Variants in ATAD2B observed in about 807,000 individuals in gnomAD.
ATAD2B encodes ATPase family AAA domain-containing protein 2B.
In ATAD2B, 40 loss-of-function variants were observed where a neutral mutation model predicts 167.6. The ratio of observed to expected loss-of-function variants is 0.24; its 90% confidence interval spans 0.19 to 0.31. The LOEUF (loss-of-function observed/expected upper bound fraction) is 0.31. Among genes scored for constraint, ATAD2B ranks in the 10% least tolerant of loss-of-function variants. The pLI, the probability that ATAD2B is intolerant of heterozygous loss-of-function variation, is 1.00. For synonymous variants in ATAD2B, 579 were observed against 596.5 expected, an observed-to-expected ratio of 0.97 and a Z score of 0.43; for missense variants, 1,242 against 1,757.2, an observed-to-expected ratio of 0.71 and a Z score of 5.24.
chr2:23,884,738 T>C, intron 6 of ATAD2B, 27 bp downstream of exon 6: 2 of 1,400,906 alleles, frequency 1.4e-6, no homozygotes, highest in East Asian at 2.4e-5. Flanking sequence ...CTGAACTTTC[T>C]AGAATTCCAA....
intron 13 of ATAD2B, among the ~76,000 whole-genome samples, chr2:23,847,146 A>C (rs373450951): frequency 7.5e-5 from 10 of 133,738 alleles, no homozygotes; most frequent in African/African-American, 2.9e-4. Flanking sequence ...TGAGGCGGGC[A>C]TATCACTTGA....
At position 23,799,570 on chromosome 2, in the gene ATAD2B, C is replaced by CAAAA. The variant is rs763947000; in HGVS notation, c.2455-1251_2455-1248dup. On this transcript the variant is annotated intron_variant, in intron 18 of 27. Coordinates refer to ENST00000238789, the MANE Select transcript of ATAD2B (RefSeq NM_017552.4). ...CCTGGGAGACAGTGAGACTCCATCT[C>CAAAA]AAAAAAAAAAAAAAAAAAAGAAAAG... Among the ~76,000 whole-genome samples, 17 of 40,488 alleles carry CAAAA rather than the reference C, an allele frequency of 4.2e-4. 1 individual carries two copies. Among genetic ancestry groups the CAAAA allele is most frequent in the Middle Eastern group, 0.018 (1 of 56 alleles). 26.6% of individuals were successfully genotyped at this position (40,488 alleles called of 152,430 possible).
the ATAD2B span, among the ~76,000 whole-genome samples, chr2:23,699,694 C>T: frequency 7.1e-4 from 108 of 152,318 alleles, 2 homozygotes; most frequent in East Asian, 0.018. Context: ...GCCTTCTCGG[C>T]GCCCAGCCCT....
At chr2:23,775,302 C>A (rs1678930265) in intron 22 of ATAD2B, among the ~76,000 whole-genome samples, 1 of 151,526 alleles carries the variant, frequency 6.6e-6, no homozygotes, top group African/African-American at 2.4e-5. Flanking sequence ...GCACTTCCAC[C>A]TCCTAGGTTC....
intron 1 of ATAD2B, among the ~76,000 whole-genome samples, chr2:23,910,470 G>A (rs1209592518): frequency 6.6e-6 from 1 of 151,388 alleles, no homozygotes; most frequent in Non-Finnish European, 1.5e-5. Context: ...GAGCCACTGC[G>A]CCCGGCCTGC....
chr2:23,680,039 C>G, the ATAD2B span, among the ~76,000 whole-genome samples: 1 of 152,208 alleles, frequency 6.6e-6, no homozygotes, highest in Admixed American at 6.5e-5. The surrounding 1 kb of genome is among the most constrained non-coding windows in gnomAD (Gnocchi z 4.1). Context: ...CCCCTTCAGC[C>G]CCGAAGGATT....
At chr2:23,741,476 G>A in the ATAD2B span, among the ~76,000 whole-genome samples, 2 of 151,864 alleles carry the variant, frequency 1.3e-5, no homozygotes, top group African/African-American at 4.8e-5. Flanking sequence ...TTAATAAATG[G>A]TGCTGGGAAA....
Position 23,750,791 on chromosome 2 carries a change from C to T in ATAD2B, c.*1255G>A, listed in dbSNP as rs1290477702. On this transcript the variant is annotated 3_prime_UTR_variant, in exon 28 of 28. Transcript: ENST00000238789. ...TAGAAAGTTTTTGTAAAACTAGTAACCCATAATTAATTTCAGATACATACA... is the reference window on the plus strand; with the variant it reads ...TAGAAAGTTTTTGTAAAACTAGTAATCCATAATTAATTTCAGATACATACA... The T allele has an allele frequency of 6.6e-6, 1 of 152,096 alleles. No homozygotes were observed. The highest frequency in any genetic ancestry group is 1.5e-5 in the Non-Finnish European group (1 of 67,988). 9.4% of individuals were successfully genotyped at this position (152,096 alleles called of 1,614,324 possible).
chr2:23,918,746 T>A (rs914891457), intron 1 of ATAD2B, among the ~76,000 whole-genome samples: 1 of 152,174 alleles, frequency 6.6e-6, no homozygotes, highest in Non-Finnish European at 1.5e-5. Context: ...AACTACTGAT[T>A]GAACAACATC....
Position 23,926,964 on chromosome 2 carries a change from C to A in ATAD2B, c.-194G>T, listed in dbSNP as rs1704980572. 1 of 619,540 alleles carries A rather than the reference C, an allele frequency of 1.6e-6. No individual in the cohort carries two copies. Among genetic ancestry groups the A allele is most frequent in the East Asian group, 3.4e-5 (1 of 29,760 alleles). The allele number at this position is 619,540 out of a possible 1,614,324, so 38.4% of individuals were successfully genotyped here. A position where few individuals can be genotyped will look rare whatever the true frequency, so the allele number is the denominator to read the frequency against. On this transcript the variant is annotated 5_prime_UTR_variant, in exon 1 of 28. Coordinates refer to ENST00000238789, the MANE Select transcript of ATAD2B (RefSeq NM_017552.4). ...GAAGTCGGCGTGAGCAGGCGGCGTG[C>A]GGGAAGCGGGGGCGGTGCTGCAGAC...
At chr2:23,875,395 G>A (rs1696674709) in intron 8 of ATAD2B, among the ~76,000 whole-genome samples, 1 of 151,506 alleles carries the variant, frequency 6.6e-6, no homozygotes, top group Admixed American at 6.6e-5. Flanking sequence ...AGCTACTCGG[G>A]AGGCTGAGGC....
intron 17 of ATAD2B, among the ~76,000 whole-genome samples, chr2:23,819,172 T>C (rs1687054862): frequency 6.6e-6 from 1 of 152,040 alleles, no homozygotes; most frequent in Non-Finnish European, 1.5e-5. Context: ...TCTGCCTCCA[T>C]GGGGGAAAAA....
At chr2:23,717,315 T>C in the ATAD2B span, among the ~76,000 whole-genome samples, 1 of 152,032 alleles carries the variant, frequency 6.6e-6, no homozygotes, top group African/African-American at 2.4e-5. Context: ...GAGAGGAGCT[T>C]TGTGCCCCAG....
the ATAD2B span, chr2:23,703,116 C>G: frequency 8.5e-7 from 1 of 1,171,834 alleles, no homozygotes; most frequent in Non-Finnish European, 1.1e-6. Flanking sequence ...CAGTTTGCTG[C>G]CCTTGCTTGT....
At chr2:23,873,130 ACTT>A in intron 8 of ATAD2B, 1 of 374,510 alleles carries the variant, frequency 2.7e-6, no homozygotes, top group East Asian at 6.0e-5. Context: ...CCTCTCCTCT[ACTT>A]CTTTCTCCCC....
chr2:23,726,844 T>A, the ATAD2B span, among the ~76,000 whole-genome samples: 1 of 152,130 alleles, frequency 6.6e-6, no homozygotes, highest in Non-Finnish European at 1.5e-5. Flanking sequence ...TTTTGCAAGA[T>A]GAAAAGTGCT....
At chr2:23,914,424 G>C (rs1702729336) in intron 1 of ATAD2B, among the ~76,000 whole-genome samples, 1 of 151,976 alleles carries the variant, frequency 6.6e-6, no homozygotes, top group Non-Finnish European at 1.5e-5. Flanking sequence ...ATCTTAACAG[G>C]CATTTTAGAG....
chr2:23,856,729 A>C (rs1172395679), intron 13 of ATAD2B, among the ~76,000 whole-genome samples: 1 of 151,968 alleles, frequency 6.6e-6, no homozygotes, highest in Non-Finnish European at 1.5e-5. Flanking sequence ...GCATGGCAGC[A>C]CATGCCTGTA....
At chr2:23,841,538 T>C (rs1203256670) in intron 13 of ATAD2B, among the ~76,000 whole-genome samples, 1 of 152,012 alleles carries the variant, frequency 6.6e-6, no homozygotes, top group Non-Finnish European at 1.5e-5. Flanking sequence ...TGTGGAGGGA[T>C]GGGGTCTCAC....
Sources: allele counts gnomAD v4.1 joint callset (sites outside exome capture counted in the v4.1 genomes callset), GRCh38; gene constraint gnomAD v4.1.1; non-coding constraint Gnocchi (gnomAD v3.1); transcripts MANE v1.5; gene names NCBI Gene and HGNC (gene_info 2026-07-23, HGNC 2026-07-21).